ZKSCAN2: variants seen among roughly 807,000 people sequenced by gnomAD.
ZKSCAN2 encodes the protein zinc finger protein with KRAB and SCAN domains 2.
A neutral mutation model predicts 90.5 loss-of-function variants in ZKSCAN2; 38 were observed. The observed-to-expected ratio is 0.42, with a 90% CI of 0.32 to 0.55. The LOEUF is 0.55. ZKSCAN2 is among the 20% of genes least tolerant of loss of function. The pLI is 0.11. For synonymous variants in ZKSCAN2, 429 were observed against 421.6 expected (o/e 1.02, Z -0.22); for missense variants, 1,167 against 1,202.6 (o/e 0.97, Z 0.44).
rs1244456462 is a variant in ZKSCAN2, at chr16:25,257,091, G to T, written c.37C>A (p.Leu13Met). 1.9e-6 allele frequency: 3 copies of T among 1,610,362 alleles called. No homozygotes were observed. The highest frequency in any genetic ancestry group is 1.7e-5 in the Admixed American group (1 of 59,566). The change falls in exon 1 of 7, where the codon CTG becomes ATG. Residue 13 changes from leucine (L) to methionine (M), a missense_variant. Leu to Met is a conservative substitution (Grantham distance 15). Coordinates refer to ENST00000328086, the MANE Select transcript of ZKSCAN2 (RefSeq NM_001012981.5). Reference protein sequence around the residue: ...VALDSQIDAPLEVEGCLIMKV... With the variant: ...VALDSQIDAPMEVEGCLIMKV... ...ATTATTAGGCATCCCTCAACCTCCA[G>T]GGGCGCGTCGATCTGAGAGTCGAGG...
At chr16:25,242,624 G>C (rs765393418) in intron 6 of ZKSCAN2, among the ~76,000 whole-genome samples, 2 of 152,234 alleles carry the variant, frequency 1.3e-5, no homozygotes, top group African/African-American at 2.4e-5. Flanking sequence ...GACATTCAAG[G>C]TGGAGGGAAC....
rs201613662 is a variant in ZKSCAN2 at position 25,240,060 on chromosome 16, T to C, written c.2660A>G (p.Tyr887Cys). 1.3e-5 allele frequency: 21 copies of C among 1,614,118 alleles called. No homozygotes were observed. The Admixed American group carries it at 2.5e-4, about 19-fold the overall frequency. Residue 887 changes from tyrosine to cysteine, a missense_variant, in exon 7 of 7, where the codon TAC (tyrosine) becomes TGC (cysteine). Physicochemically the swap from Tyr to Cys is radical, Grantham distance 194. Coordinates refer to ENST00000328086, the MANE Select transcript of ZKSCAN2 (RefSeq NM_001012981.5). ...ACTTTTTTCACAGTCCACACATTTG[T>C]AGGGATTCTCCCCAGTGTGAACTCT... is the stretch of plus-strand genomic sequence containing the variant. ...HRRVHTGENP[Y>C]KCVDCEKSFN... is the part of the protein sequence containing the mutation.
rs770665879 is a variant in ZKSCAN2, at chr16:25,242,818, TTG to T, written c.1981+965_1981+966del. Reference sequence around the variant, plus strand: ...AAAAGTGTGGGTGGAGAAAACTGGTTTGGAGGCTTTTACAACAGTCTAGGCAA... The same window carrying T: ...AAAAGTGTGGGTGGAGAAAACTGGTTGAGGCTTTTACAACAGTCTAGGCAA... On this transcript the variant is annotated intron_variant, in intron 6 of 6. Transcript: ENST00000328086. 5.3e-5 allele frequency among the ~76,000 whole-genome samples: 8 copies of T among 152,206 alleles called. 1 individual carries two copies.
intron 6 of ZKSCAN2, among the ~76,000 whole-genome samples, chr16:25,241,383 A>G (rs1050654085): frequency 6.6e-6 from 1 of 152,194 alleles, no homozygotes; most frequent in Non-Finnish European, 1.5e-5. Flanking sequence ...GAACAGAGAC[A>G]AGTTTTGGAA....
In ZKSCAN2 at chr16:25,241,716, T is replaced by C. The variant is rs144996506; in HGVS notation, c.1982-978A>G. Among the ~76,000 whole-genome samples, 67 of 152,356 alleles carry C rather than the reference T, an allele frequency of 4.4e-4. 3 individuals are homozygous for C. The East Asian group carries it at 0.011, about 24-fold the overall frequency. On this transcript the variant is annotated intron_variant, in intron 6 of 6. Coordinates refer to ENST00000328086, the MANE Select transcript of ZKSCAN2 (RefSeq NM_001012981.5). ...CCTTGTTCTTAAGCATCTGCTCTCC[T>C]GCCTTGTTTCTACTGCCAGTTTCAA...
chr16:25,249,434 C>A (rs891624288), intron 4 of ZKSCAN2, among the ~76,000 whole-genome samples: 19 of 152,112 alleles, frequency 1.2e-4, no homozygotes, highest in African/African-American at 2.7e-4. Context: ...CAGGCACCCA[C>A]CACCACACCT....
At chr16:25,247,940 A>T (rs902973817) in intron 4 of ZKSCAN2, among the ~76,000 whole-genome samples, 1 of 152,224 alleles carries the variant, frequency 6.6e-6, no homozygotes, top group Admixed American at 6.5e-5. Flanking sequence ...CATAGAAGGA[A>T]GTCCACACAT....
At position 25,257,373 on chromosome 16, in the gene ZKSCAN2, G is replaced by A; in HGVS notation, c.-246C>T. 1 of 1,244,968 alleles carries A rather than the reference G, an allele frequency of 8.0e-7. No individual in the cohort carries two copies. The highest frequency in any genetic ancestry group is 1.0e-6 in the Non-Finnish European group (1 of 994,642). 77.1% of individuals were successfully genotyped at this position (1,244,968 alleles called of 1,614,324 possible). A position where few individuals can be genotyped will look rare whatever the true frequency, so the allele number is the denominator to read the frequency against. ...CAAACAAGATGTGACCGCGCAATGT[G>A]GTTTTCCAGAGTGCATCCCTCTTAG... On this transcript the variant is annotated 5_prime_UTR_variant, in exon 1 of 7. Transcript: ENST00000328086.
Position 25,253,097 on chromosome 16 carries a change from C to G in ZKSCAN2, c.587-60G>C, listed in dbSNP as rs1303689344. The G allele has an allele frequency of 3.0e-6, 4 of 1,317,568 alleles. No individual in the cohort carries two copies. In the Admixed American group the frequency reaches 5.1e-5, roughly 17 times the overall value. The allele number at this position is 1,317,568 out of a possible 1,614,324, so 81.6% of individuals were successfully genotyped here. A position where few individuals can be genotyped will look rare whatever the true frequency, so the allele number is the denominator to read the frequency against. On this transcript the variant is annotated intron_variant, in intron 2 of 6. Coordinates refer to ENST00000328086, the MANE Select transcript of ZKSCAN2 (RefSeq NM_001012981.5). ...GCTTTGACCCTTTAATTCATGCTGT[C>G]TCTCTTTTTAAGAGATGAGTATGTA...
intron 3 of ZKSCAN2, 45 bp from the exon 4 acceptor site, chr16:25,252,080 G>A (rs1442409290): frequency 2.5e-6 from 4 of 1,603,546 alleles, no homozygotes; most frequent in African/African-American, 2.7e-5. Flanking sequence ...AACTGCACAG[G>A]TCTTCAAAGG....
rs370532156 is a variant in ZKSCAN2 at position 25,255,380 on chromosome 16, C to T, written c.412G>A (p.Val138Met). ...AGTGGGGAGTGCTTCTCCCGGTGCA[C>T]GGGACTGCTGACCTGAGAAATGAAG... Reference protein sequence around the residue: ...GRLRQQVSSPVHREKHSPLGA... With the variant: ...GRLRQQVSSPMHREKHSPLGA... The change falls in exon 2 of 7, where the codon GTG becomes ATG. Residue 138 changes from valine (V) to methionine (M), a missense_variant. Physicochemically the swap from Val to Met is conservative, Grantham distance 21 (BLOSUM62 1). Coordinates refer to ENST00000328086, the MANE Select transcript of ZKSCAN2 (RefSeq NM_001012981.5). 18 of 1,611,078 alleles carry T rather than the reference C, an allele frequency of 1.1e-5. No individual in the cohort carries two copies. The East Asian group carries it at 1.6e-4, about 14-fold the overall frequency.
At position 25,254,280 on chromosome 16, in the gene ZKSCAN2, A is replaced by T. The variant is rs923193051; in HGVS notation, c.586+926T>A. Among the ~76,000 whole-genome samples the T allele has an allele frequency of 2.0e-5, 3 of 152,224 alleles. No homozygotes were observed. In the South Asian group the frequency reaches 6.2e-4, roughly 32 times the overall value. ...TGATGTTTCCATTCCTCTCTTTAAG[A>T]CTGAGATGAAGCCACACTTCAGGAG... On this transcript the variant is annotated intron_variant, in intron 2 of 6. Coordinates refer to ENST00000328086, the MANE Select transcript of ZKSCAN2 (RefSeq NM_001012981.5).
rs762597026 is a variant in ZKSCAN2, at chr16:25,244,011, A to G, written c.1755T>C (p.Ser585=). The G allele has an allele frequency of 6.2e-7, 1 of 1,614,138 alleles. No homozygotes were observed. Among genetic ancestry groups the G allele is most frequent in the South Asian group, 1.1e-5 (1 of 91,076 alleles). The part of the protein sequence containing the change: ...FYKEMDALIN[S]RASAPSPSTP... ...TGCTGGGGGAAGGAGCAGATGCCCG[A>G]GAGTTAATCAGGGCATCCATCTCCT... Residue 585 remains serine (S), a synonymous_variant, in exon 6 of 7, where the codon TCT becomes TCC. Coordinates refer to ENST00000328086, the MANE Select transcript of ZKSCAN2 (RefSeq NM_001012981.5).
Position 25,238,186 on chromosome 16 carries a change from TATC to T in ZKSCAN2, c.*1627_*1629del, listed in dbSNP as rs1406103241. 4 of 152,256 alleles carry T rather than the reference TATC, an allele frequency of 2.6e-5. No homozygotes were observed. The highest frequency in any genetic ancestry group is 6.5e-5 in the Admixed American group (1 of 15,298). The allele number at this position is 152,256 out of a possible 1,614,324, so 9.4% of individuals were successfully genotyped here. On this transcript the variant is annotated 3_prime_UTR_variant, in exon 7 of 7. Coordinates refer to ENST00000328086, the MANE Select transcript of ZKSCAN2 (RefSeq NM_001012981.5). ...GATTGAAACATACCAAAAGGAAAAA[TATC>T]ATTTCCAGATGGCTTCAAATAAGAG...
intron 4 of ZKSCAN2, among the ~76,000 whole-genome samples, chr16:25,248,050 A>C (rs954458968): frequency 2.1e-4 from 32 of 152,148 alleles, no homozygotes; most frequent in African/African-American, 7.0e-4. Flanking sequence ...ATCCAGATAC[A>C]AAAGAGTGAA....
Position 25,256,709 on chromosome 16 carries a change from T to C in ZKSCAN2, c.399+20A>G, listed in dbSNP as rs201921221. 2.8e-3 allele frequency: 4,439 copies of C among 1,586,624 alleles called. 6 individuals are homozygous for C. The highest frequency in any genetic ancestry group is 3.4e-3 in the Non-Finnish European group (3,954 of 1,167,488). On this transcript the variant is annotated intron_variant, in intron 1 of 6. Transcript: ENST00000328086. Reference sequence around the variant, plus strand: ...ATTCCCTTTTTTCTAAGTACAAAAATTTGGAAAATCCTCTCTCACCTGCTG... The same window carrying C: ...ATTCCCTTTTTTCTAAGTACAAAAACTTGGAAAATCCTCTCTCACCTGCTG...
intron 5 of ZKSCAN2, among the ~76,000 whole-genome samples, chr16:25,245,001 A>G (rs1005441111): frequency 1.3e-5 from 2 of 152,218 alleles, no homozygotes; most frequent in Non-Finnish European, 2.9e-5. Flanking sequence ...CTATGACTGG[A>G]TTCCCATATT....
In ZKSCAN2 at chr16:25,240,679, C is replaced by G; in HGVS notation, c.2041G>C (p.Glu681Gln). The change falls in exon 7 of 7, where the codon GAA becomes CAA. Residue 681 changes from glutamate (E) to glutamine (Q), a missense_variant. Glu to Gln is a conservative substitution (Grantham distance 29). Coordinates refer to ENST00000328086, the MANE Select transcript of ZKSCAN2 (RefSeq NM_001012981.5). The part of the protein sequence containing the change: ...DPTQIVYKDM[E>Q]QHRALIEKSK... ...TTTTCTATTAATGCCCTATGCTGTT[C>G]CATGTCCTTATATACTATCTGTGTT... 1 of 1,614,168 alleles carries G rather than the reference C, an allele frequency of 6.2e-7. No homozygotes were observed. Among genetic ancestry groups the G allele is most frequent in the Non-Finnish European group, 8.5e-7 (1 of 1,180,010 alleles).
chr16:25,256,428 CTCTTA>C (rs1963103218), intron 1 of ZKSCAN2, among the ~76,000 whole-genome samples: 1 of 150,132 alleles, frequency 6.7e-6, no homozygotes, highest in African/African-American at 2.5e-5. Context: ...CCATATTGTT[CTCTTA>C]TATTGTTTTG....
Sources: allele counts gnomAD v4.1 joint callset (sites outside exome capture counted in the v4.1 genomes callset), GRCh38; gene constraint gnomAD v4.1.1; transcripts MANE v1.5; gene names NCBI Gene and HGNC (gene_info 2026-07-23, HGNC 2026-07-21).